Variants in DAPK1 observed in about 807,000 individuals in gnomAD.
DAPK1 encodes death-associated protein kinase 1.
Under a neutral mutation model 144.9 loss-of-function variants are expected in DAPK1, and 56 were observed. That is an observed-to-expected ratio of 0.39 (90% CI 0.31 to 0.48). The LOEUF (loss-of-function observed/expected upper bound fraction) is 0.48, where lower values mean the gene tolerates loss of function less well. DAPK1 is among the 20% of genes least tolerant of loss of function. DAPK1 has a pLI of 0.95. For synonymous variants in DAPK1, 690 were observed against 749.0 expected, an observed-to-expected ratio of 0.92 and a Z score of 1.29; for missense variants, 1,454 against 1,875.4, an observed-to-expected ratio of 0.78 and a Z score of 4.15.
intron 2 of DAPK1, among the ~76,000 whole-genome samples, chr9:87,525,668 T>C (rs945533177): frequency 6.6e-6 from 1 of 151,920 alleles, no homozygotes; most frequent in Non-Finnish European, 1.5e-5. Context: ...GCTGAGGGCC[T>C]CGGTTCCACC....
chr9:87,538,181 C>CTT, intron 2 of DAPK1, among the ~76,000 whole-genome samples: 2 of 152,264 alleles, frequency 1.3e-5, no homozygotes, highest in South Asian at 4.2e-4. Context: ...GAAGTATAGT[C>CTT]TAATAATTGA....
chr9:87,514,613 A>G (rs1824976223), intron 2 of DAPK1, among the ~76,000 whole-genome samples: 1 of 152,228 alleles, frequency 6.6e-6, no homozygotes, highest in African/African-American at 2.4e-5. Flanking sequence ...TGAACATTTA[A>G]GTGAGTGACA....
At chr9:87,612,841 A>G (rs1828975146) in intron 3 of DAPK1, among the ~76,000 whole-genome samples, 1 of 152,192 alleles carries the variant, frequency 6.6e-6, no homozygotes, top group Non-Finnish European at 1.5e-5. Flanking sequence ...AATGGACATC[A>G]CCAGGTTCTG....
At chr9:87,666,009 A>G (rs1831037353) in intron 18 of DAPK1, among the ~76,000 whole-genome samples, 1 of 152,186 alleles carries the variant, frequency 6.6e-6, no homozygotes, top group Non-Finnish European at 1.5e-5. Flanking sequence ...TTGCTTTTGC[A>G]GCCTCCGTCG....
chr9:87,580,067 A>C (rs1827698034), intron 2 of DAPK1, among the ~76,000 whole-genome samples: 2 of 152,158 alleles, frequency 1.3e-5, no homozygotes, highest in Non-Finnish European at 2.9e-5. Context: ...CATGGAGCTA[A>C]ATTTGACATG....
At chr9:87,599,691 G>A (rs1464421267) in intron 2 of DAPK1, among the ~76,000 whole-genome samples, 3 of 152,130 alleles carry the variant, frequency 2.0e-5, no homozygotes, top group Admixed American at 6.5e-5. Flanking sequence ...GTTATTAAAC[G>A]ATGGAAAATT....
At chr9:87,547,238 A>G (rs143320559) in intron 2 of DAPK1, among the ~76,000 whole-genome samples, 207 of 152,312 alleles carry the variant, frequency 1.4e-3, no homozygotes, top group African/African-American at 4.7e-3. Context: ...TAATCAATAA[A>G]ATCCTGATGT....
chr9:87,553,782 C>G (rs1826590875), intron 2 of DAPK1: 1 of 152,314 alleles, frequency 6.6e-6, no homozygotes, highest in African/African-American at 2.4e-5. Context: ...AGGCGTGAGC[C>G]ACCATGCCCG....
intron 2 of DAPK1, among the ~76,000 whole-genome samples, chr9:87,575,113 G>A (rs569868655): frequency 1.2e-4 from 18 of 150,802 alleles, no homozygotes; most frequent in African/African-American, 3.9e-4. Context: ...CTAGCTACTC[G>A]GGAGGCTGAG....
intron 9 of DAPK1, 33 bp downstream of exon 9, chr9:87,640,880 C>T: frequency 1.2e-6 from 2 of 1,608,540 alleles, no homozygotes; most frequent in South Asian, 2.2e-5. Context: ...GTTTAGATCA[C>T]TTTCTATGTG....
intron 3 of DAPK1, among the ~76,000 whole-genome samples, chr9:87,610,634 C>G (rs1332856332): frequency 2.6e-5 from 4 of 152,334 alleles, no homozygotes; most frequent in Non-Finnish European, 5.9e-5. Flanking sequence ...CCCAAGTGCC[C>G]TTAGGGGCTA....
chr9:87,686,822 G>A lies in DAPK1; in HGVS notation c.2413+83G>A. ...GTCATCCCTAAAGGGAGCTTGTCCT[G>A]AGCTGTATCTGTCACTTCCAGAAGG... On this transcript the variant is annotated intron_variant, in intron 21 of 25. Transcript: ENST00000408954. The surrounding 1 kb of genome is among the most constrained non-coding windows in gnomAD (Gnocchi z 4.2). 1.4e-6 allele frequency: 2 copies of A among 1,392,756 alleles called. No individual in the cohort carries two copies. The highest frequency in any genetic ancestry group is 1.9e-6 in the Non-Finnish European group (2 of 1,025,998). 86.3% of individuals were successfully genotyped at this position (1,392,756 alleles called of 1,614,324 possible).
intron 21 of DAPK1, among the ~76,000 whole-genome samples, chr9:87,688,406 G>A (rs1257214771): frequency 6.6e-6 from 1 of 152,220 alleles, no homozygotes; most frequent in Non-Finnish European, 1.5e-5. Context: ...GAACATACTA[G>A]TGCATGTGTC....
chr9:87,518,102 G>T (rs13293606), intron 2 of DAPK1, among the ~76,000 whole-genome samples: 9,384 of 38,296 alleles, frequency 0.25, 1,127 homozygotes, highest in African/African-American at 0.38. Context: ...CGTTTATGTT[G>T]TTGTTTTTTT....
chr9:87,567,889 C>T (rs1827188070), intron 2 of DAPK1, among the ~76,000 whole-genome samples: 1 of 152,236 alleles, frequency 6.6e-6, no homozygotes, highest in Non-Finnish European at 1.5e-5. Context: ...TTTCCAAATG[C>T]TTTCGTGTTC....
chr9:87,650,230 T>C, intron 16 of DAPK1, 112 bp downstream of exon 16: 2 of 986,090 alleles, frequency 2.0e-6, no homozygotes, highest in Non-Finnish European at 1.6e-6. Flanking sequence ...TGCAGCAAAC[T>C]GTAATTACCC....
At chr9:87,682,861 T>A (rs1824691139) in intron 20 of DAPK1, among the ~76,000 whole-genome samples, 1 of 152,094 alleles carries the variant, frequency 6.6e-6, no homozygotes, top group Non-Finnish European at 1.5e-5. Flanking sequence ...TCCCAGAACA[T>A]CTGGTGCCTG....
chr9:87,641,021 C>G (rs548966291), intron 9 of DAPK1, among the ~76,000 whole-genome samples, 174 bp downstream of exon 9: 1 of 152,108 alleles, frequency 6.6e-6, no homozygotes, highest in Non-Finnish European at 1.5e-5. Context: ...TACTAATGAT[C>G]CCAGAGGTGG....
At chr9:87,575,585 G>A (rs1307730806) in intron 2 of DAPK1, among the ~76,000 whole-genome samples, 2 of 152,144 alleles carry the variant, frequency 1.3e-5, no homozygotes, top group Non-Finnish European at 2.9e-5. Context: ...AGGTTACAAA[G>A]GAGTAATTTG....
Sources: gnomAD v4.1 joint callset for allele counts (sites outside exome capture counted in the v4.1 genomes callset) on GRCh38, gnomAD v4.1.1 for gene constraint, Gnocchi (gnomAD v3.1) non-coding constraint, MANE v1.5 for transcripts, NCBI Gene and HGNC (gene_info 2026-07-23, HGNC 2026-07-21) for gene names.